The following CEP170 variants were observed in gnomAD, a reference collection of about 807,000 sequenced individuals.
The protein encoded by CEP170 is centrosomal protein of 170 kDa.
A neutral mutation model predicts 151.9 loss-of-function variants in CEP170; 21 were observed. The ratio of observed to expected loss-of-function variants is 0.14; its 90% CI spans 0.10 to 0.20. The LOEUF (loss-of-function observed/expected upper bound fraction) is 0.20. CEP170 is among the 10% of genes least tolerant of loss of function. CEP170 has a pLI of 1.00. For synonymous variants in CEP170, 356 were observed against 648.8 expected, an observed-to-expected ratio of 0.55 and a Z score of 6.86; for missense variants, 964 against 1,892.9, an observed-to-expected ratio of 0.51 and a Z score of 9.11.
At chr1:243,203,965 T>C (rs908107625) in intron 4 of CEP170, among the ~76,000 whole-genome samples, 59 of 152,252 alleles carry the variant, frequency 3.9e-4, no homozygotes, top group African/African-American at 1.4e-3. Flanking sequence ...ATCATTTTAT[T>C]TTAGGAGATG....
intron 4 of CEP170, among the ~76,000 whole-genome samples, chr1:243,206,423 A>G (rs10732304): frequency 0.96 from 145,798 of 152,304 alleles, 70,133 homozygotes; most frequent in East Asian, 1. Context: ...GTGGGCCACC[A>G]TGCCCGGCCA....
chr1:243,217,763 T>A (rs2062432398), intron 3 of CEP170, among the ~76,000 whole-genome samples: 1 of 152,006 alleles, frequency 6.6e-6, no homozygotes, highest in Non-Finnish European at 1.5e-5. Flanking sequence ...AAAAAATGAG[T>A]TTTGTTTCTT....
At chr1:243,178,308 CAAAAAAAAAAAAA>C (rs869094317) in intron 10 of CEP170, among the ~76,000 whole-genome samples, 1 of 30,422 alleles carries the variant, frequency 3.3e-5, no homozygotes, top group Non-Finnish European at 5.3e-5. Flanking sequence ...GACTCTGCCT[CAAAAAAAAAAAAA>C]AAAAAAAAAA....
At chr1:243,148,571 C>G (rs1217928257) in intron 14 of CEP170, among the ~76,000 whole-genome samples, 7 of 151,866 alleles carry the variant, frequency 4.6e-5, no homozygotes, top group Non-Finnish European at 1.0e-4. Context: ...GACTCTGTCT[C>G]AAAATAAAAT....
At chr1:243,216,692 T>A (rs1489060267) in intron 3 of CEP170, among the ~76,000 whole-genome samples, 1 of 152,144 alleles carries the variant, frequency 6.6e-6, no homozygotes, top group East Asian at 1.9e-4. Context: ...AGCATATATA[T>A]AGAGATAGGG....
chr1:243,161,250 C>A (rs1271844196), intron 13 of CEP170, among the ~76,000 whole-genome samples: 1 of 151,368 alleles, frequency 6.6e-6, no homozygotes, highest in Admixed American at 6.6e-5. Flanking sequence ...TTGCAGTAAG[C>A]CGAGATTGTG....
intron 17 of CEP170, among the ~76,000 whole-genome samples, chr1:243,130,197 T>C (rs1558359883): frequency 6.6e-6 from 1 of 152,120 alleles, no homozygotes; most frequent in Non-Finnish European, 1.5e-5. Flanking sequence ...GAAAATAGGT[T>C]GAATTAGGTA....
At chr1:243,127,297 G>A (rs553279815) in intron 19 of CEP170, among the ~76,000 whole-genome samples, 3 of 152,164 alleles carry the variant, frequency 2.0e-5, no homozygotes, top group African/African-American at 7.2e-5. Flanking sequence ...ATATCACAGG[G>A]CAGCTTGCAA....
chr1:243,225,442 G>C (rs1054776552), intron 1 of CEP170, 121 bp from the exon 2 acceptor site: 3 of 469,280 alleles, frequency 6.4e-6, no homozygotes, highest in Admixed American at 8.5e-5. Flanking sequence ...TTAATTAAAT[G>C]AACTGTCCAC....
chr1:243,164,961 C>T lies in CEP170; in HGVS notation c.2999G>A (p.Gly1000Asp), dbSNP rs2058342851. 1.2e-6 allele frequency: 2 copies of T among 1,613,876 alleles called. No homozygotes were observed. The highest frequency in any genetic ancestry group is 2.2e-5 in the East Asian group (1 of 44,894). The change falls in exon 13 of 20, where the codon GGT (glycine) becomes GAT (aspartate). Residue 1000 changes from glycine (G) to aspartate (D), a missense_variant. Physicochemically the swap from Gly to Asp is moderately conservative, Grantham distance 94 (BLOSUM62 -1). Transcript: ENST00000366542. ...KKTKSRSTDV[G>D]SRADGRKFVQ... ...AAATTTACGACCATCTGCTCTTGAACCCACATCTGTGGAACGACTTTTTGT... is the reference window on the plus strand; with the variant it reads ...AAATTTACGACCATCTGCTCTTGAATCCACATCTGTGGAACGACTTTTTGT...
chr1:243,252,321 G>C (rs2066010693), intron 1 of CEP170, among the ~76,000 whole-genome samples: 2 of 151,996 alleles, frequency 1.3e-5, no homozygotes, highest in African/African-American at 2.4e-5. Flanking sequence ...GGACAGATAA[G>C]AAAGAAAAGT....
intron 1 of CEP170, among the ~76,000 whole-genome samples, chr1:243,232,767 G>A (rs976236977): frequency 3.3e-5 from 5 of 151,982 alleles, no homozygotes; most frequent in African/African-American, 1.2e-4. Flanking sequence ...TAAACCTAGG[G>A]TGTTACTAGA....
At chr1:243,138,991 C>T (rs1558387860) in intron 16 of CEP170, among the ~76,000 whole-genome samples, 1 of 152,184 alleles carries the variant, frequency 6.6e-6, no homozygotes, top group Non-Finnish European at 1.5e-5. Context: ...AAGACTTTAA[C>T]ATGTCAACAA....
rs572128850 is a variant in CEP170, at chr1:243,157,050, T to C, written c.3677-595A>G. On this transcript the variant is annotated intron_variant, in intron 13 of 19. Coordinates refer to ENST00000366542, the MANE Select transcript of CEP170 (RefSeq NM_014812.3). ...GTTACGCTATGGTTGGAAAAAATCT[T>C]TTTACGTGGTAAAAAAACACAACAA... Among the ~76,000 whole-genome samples, 132 of 152,356 alleles carry C rather than the reference T, an allele frequency of 8.7e-4. 1 individual carries two copies. The highest frequency in any genetic ancestry group is 2.9e-3 in the African/African-American group (122 of 41,584).
At chr1:243,250,082 ACAAAAACAAACAAAAAGGCCC>A (rs2065801430) in intron 1 of CEP170, among the ~76,000 whole-genome samples, 1 of 152,336 alleles carries the variant, frequency 6.6e-6, no homozygotes, top group African/African-American at 2.4e-5. Flanking sequence ...AAAAACAAAA[ACAAAAACAAACAAAAAGGCCC>A]CAAAAACAAA....
At chr1:243,244,693 T>A (rs2065195157) in intron 1 of CEP170, among the ~76,000 whole-genome samples, 1 of 151,712 alleles carries the variant, frequency 6.6e-6, no homozygotes, top group Non-Finnish European at 1.5e-5. Context: ...CTGCAGTGAA[T>A]GGAGATCCCC....
intron 15 of CEP170, 62 bp from the exon 16 acceptor site, chr1:243,140,169 C>T (rs2055661581): frequency 1.3e-6 from 2 of 1,563,032 alleles, no homozygotes; most frequent in East Asian, 4.5e-5. Context: ...CCAATATTGG[C>T]ATTACAATTT....
intron 1 of CEP170, among the ~76,000 whole-genome samples, chr1:243,226,677 T>A (rs113694510): frequency 9.2e-5 from 14 of 152,330 alleles, no homozygotes; most frequent in African/African-American, 3.1e-4. Context: ...AATGAACTTT[T>A]CACACAATGT....
intron 10 of CEP170, among the ~76,000 whole-genome samples, chr1:243,182,531 CT>C (rs2059687914): frequency 6.6e-6 from 1 of 152,114 alleles, no homozygotes; most frequent in South Asian, 2.1e-4. Flanking sequence ...ATACTTCACA[CT>C]TCTGACAGTG....
Sources: gnomAD v4.1 joint callset for allele counts (sites outside exome capture counted in the v4.1 genomes callset) on GRCh38, gnomAD v4.1.1 for gene constraint, MANE v1.5 for transcripts, NCBI Gene and HGNC (gene_info 2026-07-23, HGNC 2026-07-21) for gene names.